ERBB4: variants seen among roughly 807,000 people sequenced by gnomAD.
ERBB4 encodes receptor tyrosine-protein kinase erbB-4.
Under a neutral mutation model 158.0 loss-of-function variants are expected in ERBB4, and 42 were observed. That is an observed-to-expected ratio of 0.27 (90% confidence interval 0.21 to 0.34). The LOEUF is 0.34. ERBB4 is among the 10% of genes least tolerant of loss of function. The pLI, the probability that ERBB4 is intolerant of heterozygous loss-of-function variation, is 1.00. For synonymous variants in ERBB4, 583 were observed against 558.7 expected, an observed-to-expected ratio of 1.04 and a Z score of -0.61; for missense variants, 1,333 against 1,624.1, an observed-to-expected ratio of 0.82 and a Z score of 3.08.
At chr2:211,974,240 T>A (rs1044385536) in intron 2 of ERBB4, among the ~76,000 whole-genome samples, 1 of 152,204 alleles carries the variant, frequency 6.6e-6, no homozygotes, top group Admixed American at 6.5e-5. Flanking sequence ...AAGCTTTTTT[T>A]TTAAATCATA....
chr2:211,573,736 A>C (rs956557072), intron 19 of ERBB4, among the ~76,000 whole-genome samples: 4 of 152,136 alleles, frequency 2.6e-5, no homozygotes, highest in African/African-American at 9.7e-5. Context: ...AGCTACAGGA[A>C]ACAATTACAA....
At chr2:211,860,688 T>C (rs1371829836) in intron 3 of ERBB4, among the ~76,000 whole-genome samples, 4 of 151,630 alleles carry the variant, frequency 2.6e-5, no homozygotes, top group Non-Finnish European at 4.4e-5. Flanking sequence ...CTTAGTGCTA[T>C]GTTACTGACA....
At chr2:211,958,717 C>G (rs1010883664) in intron 2 of ERBB4, among the ~76,000 whole-genome samples, 2 of 152,116 alleles carry the variant, frequency 1.3e-5, no homozygotes, top group Non-Finnish European at 2.9e-5. Flanking sequence ...GGTTAAAGTA[C>G]TATCCACGGC....
At chr2:211,819,085 G>A (rs907623623) in intron 3 of ERBB4, among the ~76,000 whole-genome samples, 1 of 152,018 alleles carries the variant, frequency 6.6e-6, no homozygotes, top group Admixed American at 6.6e-5. Context: ...AATCTGATTT[G>A]AACCTTGCCT....
At chr2:212,220,972 A>G (rs9288448) in intron 1 of ERBB4, among the ~76,000 whole-genome samples, 1 of 151,132 alleles carries the variant, frequency 6.6e-6, no homozygotes, top group Non-Finnish European at 1.5e-5. Flanking sequence ...CCATATATTT[A>G]TTTGAAAAAT....
rs865950393 is a variant in ERBB4 at position 212,142,817 on chromosome 2, C to A, written c.83-17914G>T. ...CACCTTTATGGAAAGGACTCCCAAACAAAATGTTACGCTGCCAGAAGAAAA... is the reference window on the plus strand; with the variant it reads ...CACCTTTATGGAAAGGACTCCCAAAAAAAATGTTACGCTGCCAGAAGAAAA... On this transcript the variant is annotated intron_variant, in intron 1 of 27. Coordinates refer to ENST00000342788, the MANE Select transcript of ERBB4 (RefSeq NM_005235.3). Among the ~76,000 whole-genome samples, 10 of 151,870 alleles carry A rather than the reference C, an allele frequency of 6.6e-5. No individual in the cohort carries two copies. In the South Asian group the frequency reaches 1.5e-3, roughly 22 times the overall value.
intron 25 of ERBB4, among the ~76,000 whole-genome samples, chr2:211,405,794 G>A (rs772953288): frequency 7.9e-5 from 12 of 152,014 alleles, no homozygotes; most frequent in African/African-American, 2.4e-4. Context: ...AACTTCACTC[G>A]AGCTCTAGAC....
intron 20 of ERBB4, among the ~76,000 whole-genome samples, chr2:211,556,383 AC>A (rs1358866684): frequency 1.6e-4 from 24 of 152,334 alleles, no homozygotes; most frequent in African/African-American, 5.1e-4. Context: ...AATCATTGAG[AC>A]AAAAAACTTA....
intron 20 of ERBB4, among the ~76,000 whole-genome samples, chr2:211,529,138 A>AT (rs2066428135): frequency 1.3e-5 from 2 of 150,746 alleles, no homozygotes; most frequent in Admixed American, 6.6e-5. Flanking sequence ...GGAGACCCAA[A>AT]TTAAAAAAAA....
chr2:212,029,246 T>C (rs2076845690), intron 2 of ERBB4, among the ~76,000 whole-genome samples: 1 of 152,124 alleles, frequency 6.6e-6, no homozygotes, highest in South Asian at 2.1e-4. Flanking sequence ...AGAGCTGTAA[T>C]ACTGCCAGAG....
intron 20 of ERBB4, among the ~76,000 whole-genome samples, chr2:211,441,729 T>C (rs1422687760): frequency 1.3e-5 from 2 of 152,150 alleles, no homozygotes; most frequent in East Asian, 3.8e-4. Context: ...CCTTACCATG[T>C]CAGTGCTCTG....
chr2:212,416,348 T>G (rs2091651826), intron 1 of ERBB4, among the ~76,000 whole-genome samples: 2 of 152,148 alleles, frequency 1.3e-5, no homozygotes, highest in South Asian at 4.1e-4. Context: ...AGTGTACTGT[T>G]TGCAACATCC....
chr2:212,100,426 T>G (rs953810064), intron 2 of ERBB4, among the ~76,000 whole-genome samples: 8 of 152,182 alleles, frequency 5.3e-5, no homozygotes, highest in African/African-American at 1.9e-4. Context: ...CATTTTTAAT[T>G]GGTCTTATAA....
At position 212,040,151 on chromosome 2, in the gene ERBB4, T is replaced by C. The variant is rs181252283; in HGVS notation, c.234+84601A>G. Among the ~76,000 whole-genome samples the C allele has an allele frequency of 6.2e-4, 92 of 148,772 alleles. 1 individual carries two copies. Among genetic ancestry groups the C allele is most frequent in the African/African-American group, 2.2e-3 (85 of 39,478 alleles). On this transcript the variant is annotated intron_variant, in intron 2 of 27. Transcript: ENST00000342788. ...ACTGAGAATTCAATGTTTCAATCAG[T>C]TTAGTCTATTTTAAAGTTGGAAGTA... is the stretch of plus-strand genomic sequence containing the variant.
At chr2:211,541,013 G>C (rs2066794021) in intron 20 of ERBB4, among the ~76,000 whole-genome samples, 1 of 151,848 alleles carries the variant, frequency 6.6e-6, no homozygotes, top group African/African-American at 2.4e-5. Flanking sequence ...TATCCTATTA[G>C]TTTCTAGAGG....
rs61543056 is a variant in ERBB4, at chr2:212,428,517, G to A, written c.82+109932C>T. On this transcript the variant is annotated intron_variant, in intron 1 of 27. Coordinates refer to ENST00000342788, the MANE Select transcript of ERBB4 (RefSeq NM_005235.3). Reference sequence around the variant, plus strand: ...AATGATAGTTGTCCAGGACTGGAGAGGAGAAAATGGGAAATGGCTAATCAA... The same window carrying A: ...AATGATAGTTGTCCAGGACTGGAGAAGAGAAAATGGGAAATGGCTAATCAA... Among the ~76,000 whole-genome samples the A allele has an allele frequency of 8.9e-3, 1,356 of 152,154 alleles. 27 individuals carry two copies. Among genetic ancestry groups the A allele is most frequent in the South Asian group, 0.051 (245 of 4,814 alleles).
intron 1 of ERBB4, among the ~76,000 whole-genome samples, chr2:212,445,105 T>A (rs62186287): frequency 0.21 from 32,591 of 151,854 alleles, 3,755 homozygotes; most frequent in Non-Finnish European, 0.25. Flanking sequence ...CTTACCATGT[T>A]CCCCAGCATC....
chr2:211,710,290 G>A (rs1390927741), intron 9 of ERBB4, among the ~76,000 whole-genome samples: 14 of 152,086 alleles, frequency 9.2e-5, no homozygotes, highest in Non-Finnish European at 1.6e-4. Context: ...GTGAAAGCAC[G>A]CAATGTGAGT....
At chr2:211,798,730 G>A (rs2076435477) in intron 3 of ERBB4, among the ~76,000 whole-genome samples, 1 of 152,080 alleles carries the variant, frequency 6.6e-6, no homozygotes, top group African/African-American at 2.4e-5. Context: ...TCCCCATTAA[G>A]TTTGGTGCCT....
Sources: gnomAD v4.1 joint callset for allele counts (sites outside exome capture counted in the v4.1 genomes callset) on GRCh38, gnomAD v4.1.1 for gene constraint, MANE v1.5 for transcripts, NCBI Gene and HGNC (gene_info 2026-07-23, HGNC 2026-07-21) for gene names.